The following ADGRL3 variants were observed in gnomAD, a reference collection of about 807,000 sequenced individuals.
The protein encoded by ADGRL3 is calcium-independent alpha-latrotoxin receptor 3.
ADGRL3 carries 62 observed loss-of-function variants against 153.5 expected under a neutral mutation model. That is an observed-to-expected ratio of 0.40 (90% confidence interval 0.33 to 0.50). The LOEUF (loss-of-function observed/expected upper bound fraction) is 0.50, where lower values mean the gene tolerates loss of function less well. Among genes scored for constraint, ADGRL3 ranks in the 20% least tolerant of loss-of-function variants. The pLI is 0.47. For synonymous variants in ADGRL3, 710 were observed against 672.5 expected, an observed-to-expected ratio of 1.06 and a Z score of -0.86; for missense variants, 1,641 against 1,859.4, an observed-to-expected ratio of 0.88 and a Z score of 2.16.
intron 1 of ADGRL3, among the ~76,000 whole-genome samples, chr4:61,311,608 T>G (rs1434094793): frequency 2.0e-5 from 3 of 152,178 alleles, no homozygotes; most frequent in Non-Finnish European, 4.4e-5. Flanking sequence ...CTACCTTATG[T>G]GTCTTAGTGT....
chr4:61,532,555 C>CGCGTGTGTGTGT (rs760218872), intron 4 of ADGRL3, among the ~76,000 whole-genome samples: 3 of 131,438 alleles, frequency 2.3e-5, no homozygotes, highest in African/African-American at 8.5e-5. Context: ...CGCGCGCGCG[C>CGCGTGTGTGTGT]GTGTGTGTGT....
intron 2 of ADGRL3, among the ~76,000 whole-genome samples, chr4:61,409,520 A>T (rs2097057973): frequency 6.7e-6 from 1 of 150,216 alleles, no homozygotes; most frequent in Non-Finnish European, 1.5e-5. Flanking sequence ...AGGCATTGTG[A>T]TAGTCTTAAT....
chr4:61,936,160 T>A, intron 15 of ADGRL3, 115 bp downstream of exon 15: 1 of 1,116,484 alleles, frequency 9.0e-7, no homozygotes, highest in Non-Finnish European at 1.3e-6. Flanking sequence ...TTCCTCTTCC[T>A]ACACTATTCT....
intron 1 of ADGRL3, among the ~76,000 whole-genome samples, chr4:61,320,201 GT>G (rs2095325857): frequency 6.6e-6 from 1 of 152,136 alleles, no homozygotes; most frequent in Non-Finnish European, 1.5e-5. Context: ...ATAAATTTCT[GT>G]TGTTTAAGCT....
rs1747365606 is a variant in ADGRL3, at chr4:62,076,995, G to T, written c.*6087G>T. ...ATTATATATATGAATATTACATTGA[G>T]ACTGAACAAATAACCACTCTGCTCC... On this transcript the variant is annotated 3_prime_UTR_variant, in exon 27 of 27. Coordinates refer to ENST00000683033, the MANE Select transcript of ADGRL3 (RefSeq NM_001387552.1). 1 of 151,412 alleles carries T rather than the reference G, an allele frequency of 6.6e-6. No homozygotes were observed. Among genetic ancestry groups the T allele is most frequent in the African/African-American group, 2.4e-5 (1 of 41,298 alleles). The allele number at this position is 151,412 out of a possible 1,614,324, so 9.4% of individuals were successfully genotyped here.
chr4:61,930,190 A>T (rs1018876981), intron 13 of ADGRL3, among the ~76,000 whole-genome samples: 2 of 151,978 alleles, frequency 1.3e-5, no homozygotes, highest in African/African-American at 2.4e-5. Flanking sequence ...AAAAAAAAAA[A>T]AAATGCCATG....
chr4:61,758,909 T>C (rs2096873490), intron 8 of ADGRL3, among the ~76,000 whole-genome samples: 1 of 152,224 alleles, frequency 6.6e-6, no homozygotes, highest in Admixed American at 6.5e-5. Context: ...TGCTAGTCTG[T>C]AAAGTATTTT....
chr4:62,053,465 A>C (rs879823685), intron 25 of ADGRL3, among the ~76,000 whole-genome samples: 4 of 151,562 alleles, frequency 2.6e-5, no homozygotes, highest in Non-Finnish European at 4.4e-5. Flanking sequence ...TGTCATAACA[A>C]GGAATGTGGC....
chr4:61,409,657 G>T (rs1282272941), intron 2 of ADGRL3, among the ~76,000 whole-genome samples: 2 of 151,226 alleles, frequency 1.3e-5, no homozygotes, highest in South Asian at 4.2e-4. Context: ...TTTTCACTCT[G>T]TTTTAGCAAT....
At chr4:61,813,285 T>A (rs1343016382) in intron 8 of ADGRL3, among the ~76,000 whole-genome samples, 2 of 152,102 alleles carry the variant, frequency 1.3e-5, no homozygotes, top group South Asian at 4.1e-4. Flanking sequence ...TCCCAGCTAC[T>A]CAGGAGGCTG....
chr4:61,843,334 G>A (rs1198221557), intron 9 of ADGRL3, among the ~76,000 whole-genome samples: 1 of 151,968 alleles, frequency 6.6e-6, no homozygotes, highest in Non-Finnish European at 1.5e-5. Flanking sequence ...GTTTTTGGCT[G>A]GACACTTAAC....
intron 5 of ADGRL3, among the ~76,000 whole-genome samples, chr4:61,637,209 A>T (rs1267730764): frequency 6.6e-6 from 1 of 152,190 alleles, no homozygotes; most frequent in Non-Finnish European, 1.5e-5. Flanking sequence ...ATATCAGAGT[A>T]GAGTGGACTT....
At position 61,202,607 on chromosome 4, in the gene ADGRL3, A is replaced by G. The variant is rs1049271870; in HGVS notation, c.-240+842A>G. 1.6e-4 allele frequency among the ~76,000 whole-genome samples: 24 copies of G among 152,110 alleles called. No homozygotes were observed. Among genetic ancestry groups the G allele is most frequent in the Non-Finnish European group, 2.8e-4 (19 of 68,024 alleles). On this transcript the variant is annotated intron_variant, in intron 1 of 26. Coordinates refer to ENST00000683033, the MANE Select transcript of ADGRL3 (RefSeq NM_001387552.1). The surrounding 1 kb of genome is among the most constrained non-coding windows in gnomAD (Gnocchi z 5.0). ...GCGGTTGGCGGGTTACAGGTAGGAGAGAAGGCACCTCGGCGCTTCTCTGAG... is the reference window on the plus strand; with the variant it reads ...GCGGTTGGCGGGTTACAGGTAGGAGGGAAGGCACCTCGGCGCTTCTCTGAG...
intron 4 of ADGRL3, among the ~76,000 whole-genome samples, chr4:61,528,959 C>G: frequency 6.6e-6 from 1 of 151,978 alleles, no homozygotes; most frequent in East Asian, 1.9e-4. Context: ...ACCTGGTGAG[C>G]TACTAAGGCT....
intron 1 of ADGRL3, among the ~76,000 whole-genome samples, chr4:61,329,642 T>C (rs2095531620): frequency 6.6e-6 from 1 of 152,204 alleles, no homozygotes; most frequent in South Asian, 2.1e-4. Context: ...ACAGAATTGA[T>C]GTTCAGTAAA....
intron 3 of ADGRL3, among the ~76,000 whole-genome samples, chr4:61,501,089 G>A (rs2098382121): frequency 6.6e-6 from 1 of 152,152 alleles, no homozygotes; most frequent in African/African-American, 2.4e-5. Context: ...TCTGAAGCCT[G>A]ACAGACCAGA....
At chr4:61,713,772 G>A (rs1008958159) in intron 6 of ADGRL3, among the ~76,000 whole-genome samples, 1 of 152,028 alleles carries the variant, frequency 6.6e-6, no homozygotes, top group Non-Finnish European at 1.5e-5. Context: ...TACAATAGAG[G>A]TCTATCTAAA....
intron 6 of ADGRL3, among the ~76,000 whole-genome samples, chr4:61,718,055 A>G (rs1299343233): frequency 6.6e-6 from 1 of 152,042 alleles, no homozygotes. Flanking sequence ...AAAATAAAGT[A>G]AAATAAAATA....
At chr4:61,664,874 AC>A (rs2094729559) in intron 5 of ADGRL3, among the ~76,000 whole-genome samples, 1 of 151,654 alleles carries the variant, frequency 6.6e-6, no homozygotes, top group Admixed American at 6.6e-5. Context: ...CCATCCTCTA[AC>A]CCCCATCCTC....
Sources: allele counts gnomAD v4.1 joint callset (sites outside exome capture counted in the v4.1 genomes callset), GRCh38; gene constraint gnomAD v4.1.1; non-coding constraint Gnocchi (gnomAD v3.1); transcripts MANE v1.5; gene names NCBI Gene and HGNC (gene_info 2026-07-23, HGNC 2026-07-21).